CSMD1: variants seen among roughly 807,000 people sequenced by gnomAD.
CSMD1 encodes CUB and sushi domain-containing protein 1.
CSMD1 carries 213 observed loss-of-function variants against 417.5 expected under a neutral mutation model. The observed-to-expected ratio is 0.51, with a 90% CI of 0.46 to 0.57. The LOEUF (loss-of-function observed/expected upper bound fraction) is 0.57. Among genes scored for constraint, CSMD1 ranks in the 20% least tolerant of loss-of-function variants. The probability of loss-of-function intolerance (pLI) is 0.00; values close to 1 mark genes in which losing one functional copy is unlikely to be tolerated. For synonymous variants in CSMD1, 2,862 were observed against 1,736.8 expected, an observed-to-expected ratio of 1.65 and a Z score of -16.11; for missense variants, 6,923 against 4,529.7, an observed-to-expected ratio of 1.53 and a Z score of -15.17.
intron 7 of CSMD1, among the ~76,000 whole-genome samples, chr8:3,671,397 T>A (rs766762783): frequency 6.8e-6 from 1 of 147,428 alleles, no homozygotes; most frequent in African/African-American, 2.5e-5. Context: ...CAGAAGCATA[T>A]AGATCTTAAA....
chr8:4,919,339 G>T (rs1420315217), intron 1 of CSMD1, among the ~76,000 whole-genome samples: 2 of 152,096 alleles, frequency 1.3e-5, no homozygotes, highest in African/African-American at 4.8e-5. Context: ...TCCTTACTAT[G>T]AAACTTTGCT....
chr8:4,783,767 G>A (rs28731316), intron 1 of CSMD1, among the ~76,000 whole-genome samples: 13,518 of 152,146 alleles, frequency 0.089, 743 homozygotes, highest in East Asian at 0.28. Flanking sequence ...TCATCCAGCT[G>A]GTGATGCCTC....
chr8:3,299,598 T>G (rs2117330537), intron 25 of CSMD1, among the ~76,000 whole-genome samples: 1 of 151,704 alleles, frequency 6.6e-6, no homozygotes, highest in Non-Finnish European at 1.5e-5. Context: ...CGGACATAGG[T>G]GTAATTCTGC....
At chr8:3,981,654 T>A (rs577435072) in intron 5 of CSMD1, among the ~76,000 whole-genome samples, 1 of 152,286 alleles carries the variant, frequency 6.6e-6, no homozygotes, top group South Asian at 2.1e-4. Flanking sequence ...TTATGTCTCT[T>A]GTCATAGTTT....
chr8:3,253,451 A>G (rs940811386), intron 26 of CSMD1, among the ~76,000 whole-genome samples: 1 of 152,116 alleles, frequency 6.6e-6, no homozygotes, highest in Non-Finnish European at 1.5e-5. Context: ...ACTTCCAACT[A>G]TGTGGTCAAT....
intron 41 of CSMD1, among the ~76,000 whole-genome samples, chr8:3,134,894 A>T (rs536547970): frequency 6.6e-6 from 1 of 152,210 alleles, no homozygotes; most frequent in African/African-American, 2.4e-5. Flanking sequence ...AGTGTGGCGC[A>T]GAGTGAGCAC....
intron 8 of CSMD1, chr8:3,598,315 T>C (rs920406744): frequency 6.6e-6 from 1 of 152,240 alleles, no homozygotes; most frequent in Non-Finnish European, 1.5e-5. Flanking sequence ...TACTTTCCTC[T>C]ATGTAGTTAT....
At chr8:4,944,579 T>C (rs1261670855) in intron 1 of CSMD1, among the ~76,000 whole-genome samples, 1 of 152,048 alleles carries the variant, frequency 6.6e-6, no homozygotes, top group Non-Finnish European at 1.5e-5. Context: ...ACAAAATAAA[T>C]ACACAAGAAA....
At chr8:4,152,246 G>A (rs555826910) in intron 3 of CSMD1, among the ~76,000 whole-genome samples, 6 of 152,166 alleles carry the variant, frequency 3.9e-5, no homozygotes, top group Non-Finnish European at 5.9e-5. Context: ...ACTTTCTCAA[G>A]AGAATGCTCT....
chr8:3,707,474 C>G (rs1410624145), intron 7 of CSMD1, among the ~76,000 whole-genome samples: 1 of 152,160 alleles, frequency 6.6e-6, no homozygotes, highest in Non-Finnish European at 1.5e-5. Context: ...AAACACAACC[C>G]AATGGGTAGA....
intron 8 of CSMD1, among the ~76,000 whole-genome samples, chr8:3,600,810 T>C (rs1268284652): frequency 6.6e-6 from 1 of 151,560 alleles, no homozygotes; most frequent in Non-Finnish European, 1.5e-5. Context: ...AACATTCATA[T>C]GCATGTTTTG....
At chr8:3,253,670 C>T (rs575429976) in intron 26 of CSMD1, among the ~76,000 whole-genome samples, 5 of 152,100 alleles carry the variant, frequency 3.3e-5, no homozygotes, top group African/African-American at 1.2e-4. Flanking sequence ...GTCTAAGTCT[C>T]TTTGTAGGTC....
intron 27 of CSMD1, among the ~76,000 whole-genome samples, chr8:3,227,771 CTTT>C (rs752654638): frequency 2.8e-5 from 4 of 142,306 alleles, no homozygotes; most frequent in Non-Finnish European, 1.5e-5. Context: ...AAACTTTTTT[CTTT>C]TTTTTTTTTT....
intron 3 of CSMD1, among the ~76,000 whole-genome samples, chr8:4,242,465 G>A (rs1282255545): frequency 6.6e-6 from 1 of 152,180 alleles, no homozygotes; most frequent in Non-Finnish European, 1.5e-5. Flanking sequence ...ATTGTTGTGA[G>A]CATAAATTAG....
chr8:4,308,640 T>G (rs1798387142), intron 3 of CSMD1, among the ~76,000 whole-genome samples: 2 of 152,214 alleles, frequency 1.3e-5, no homozygotes, highest in Non-Finnish European at 2.9e-5. Flanking sequence ...CTAAGGATTC[T>G]TATTCCAAGA....
Position 4,994,501 on chromosome 8 carries a change from G to C in CSMD1, c.-85C>G, listed in dbSNP as rs140323692. The C allele has an allele frequency of 1.6e-6, 2 of 1,270,220 alleles. No homozygotes were observed. The highest frequency in any genetic ancestry group is 2.2e-6 in the Non-Finnish European group (2 of 898,558). 78.7% of individuals were successfully genotyped at this position (1,270,220 alleles called of 1,614,324 possible). A position where few individuals can be genotyped will look rare whatever the true frequency, so the allele number is the denominator to read the frequency against. On this transcript the variant is annotated 5_prime_UTR_variant, in exon 1 of 70. Transcript: ENST00000635120. ...TGAGCGGAGCCAAATAATCACCCGA[G>C]GGCAAGGCGAGCCGGAGAGAGAGCC...
chr8:3,257,035 C>G (rs1800703033), intron 26 of CSMD1, among the ~76,000 whole-genome samples: 1 of 152,154 alleles, frequency 6.6e-6, no homozygotes, highest in African/African-American at 2.4e-5. Flanking sequence ...AGAAATACTT[C>G]TGAGGGCCAG....
intron 1 of CSMD1, among the ~76,000 whole-genome samples, chr8:4,676,019 T>C (rs1805661642): frequency 6.6e-6 from 1 of 152,226 alleles, no homozygotes; most frequent in Non-Finnish European, 1.5e-5. Context: ...GCCTTGCAGT[T>C]TTTGAAGCAA....
At chr8:4,255,080 C>G (rs1238586509) in intron 3 of CSMD1, among the ~76,000 whole-genome samples, 2 of 152,142 alleles carry the variant, frequency 1.3e-5, no homozygotes, top group African/African-American at 4.8e-5. Flanking sequence ...TTATTTTGCT[C>G]AAATGGTTTA....
Sources: gnomAD v4.1 joint callset for allele counts (sites outside exome capture counted in the v4.1 genomes callset) on GRCh38, gnomAD v4.1.1 for gene constraint, MANE v1.5 for transcripts, NCBI Gene and HGNC (gene_info 2026-07-23, HGNC 2026-07-21) for gene names.